TMEM169: variants seen among roughly 807,000 people sequenced by gnomAD.
TMEM169 encodes transmembrane protein 169.
A neutral mutation model predicts 27.3 loss-of-function variants in TMEM169; 18 were observed. That is an observed-to-expected ratio of 0.66 (90% CI 0.46 to 0.98). The LOEUF is 0.98. Among genes scored for constraint, TMEM169 ranks in the 50% least tolerant of loss-of-function variants. TMEM169 has a pLI of 0.00. For synonymous variants in TMEM169, 136 were observed against 142.1 expected (o/e 0.96, Z 0.30); for missense variants, 320 against 368.6 (o/e 0.87, Z 1.08).
Position 216,095,822 on chromosome 2 carries a change from C to A in TMEM169, c.-126-16C>A. On this transcript the variant is annotated splice_polypyrimidine_tract_variant and intron_variant, in intron 1 of 2. Transcript: ENST00000437356. Reference sequence around the variant, plus strand: ...CATTTGCTTCCTGTTGATGGCTTTGCTTTCCTATCTTTCAGGTGGAATGCA... The same window carrying A: ...CATTTGCTTCCTGTTGATGGCTTTGATTTCCTATCTTTCAGGTGGAATGCA... The A allele has an allele frequency of 2.0e-6, 2 of 1,010,072 alleles. No homozygotes were observed. The highest frequency in any genetic ancestry group is 1.4e-6 in the Non-Finnish European group (1 of 709,036). 62.6% of individuals were successfully genotyped at this position (1,010,072 alleles called of 1,614,324 possible). A position where few individuals can be genotyped will look rare whatever the true frequency, so the allele number is the denominator to read the frequency against.
Position 216,096,195 on chromosome 2 carries a change from G to T in TMEM169, c.232G>T (p.Glu78Ter). ...ESEGGDQPKE[E>*]EGDDFLDYPV... is the part of the protein sequence containing the mutation. ...AGAAGGTGGAGATCAGCCTAAAGAG[G>T]AGGAGGGAGATGATTTCCTAGACTA... The change falls in exon 2 of 3, where the codon GAG (glutamate) becomes TAG (stop). Residue 78 changes from glutamate to a stop codon, truncating the protein, a stop_gained. Transcript: ENST00000437356. LOFTEE classifies it high-confidence loss of function. The T allele has an allele frequency of 6.2e-7, 1 of 1,614,154 alleles. No homozygotes were observed. The highest frequency in any genetic ancestry group is 1.1e-5 in the South Asian group (1 of 91,070).
At chr2:216,093,998 G>A (rs1391953419) in intron 1 of TMEM169, among the ~76,000 whole-genome samples, 1 of 152,108 alleles carries the variant, frequency 6.6e-6, no homozygotes, top group Admixed American at 6.6e-5. Context: ...CTAGACATTG[G>A]GAACATTTGA....
intron 1 of TMEM169, among the ~76,000 whole-genome samples, chr2:216,086,109 G>A (rs948073772): frequency 2.4e-4 from 36 of 151,664 alleles, no homozygotes; most frequent in African/African-American, 8.5e-4. Context: ...CTGTTGCCCC[G>A]GCTGGAGTGC....
At chr2:216,082,041 C>CAAAAAA in intron 1 of TMEM169, 62 bp downstream of exon 1, 1 of 248,686 alleles carries the variant, frequency 4.0e-6, no homozygotes, top group Non-Finnish European at 7.6e-6. Context: ...AAGGGAAATG[C>CAAAAAA]AAAAAAAAAA....
rs1189920697 is a variant in TMEM169 at position 216,099,589 on chromosome 2, A to G, written c.272-331A>G. 2.0e-5 allele frequency among the ~76,000 whole-genome samples: 3 copies of G among 152,068 alleles called. No individual in the cohort carries two copies. The highest frequency in any genetic ancestry group is 4.4e-5 in the Non-Finnish European group (3 of 67,998). Reference sequence around the variant, plus strand: ...GGATCATCATTTGCATCATGTCTGTATCAAAGTTCGTCACACTCCTCCGTG... The same window carrying G: ...GGATCATCATTTGCATCATGTCTGTGTCAAAGTTCGTCACACTCCTCCGTG... On this transcript the variant is annotated intron_variant, in intron 2 of 2. Transcript: ENST00000437356. This position sits in a 1 kb window ranked among gnomAD's most constrained non-coding sequence, Gnocchi z 5.0.
At position 216,095,941 on chromosome 2, in the gene TMEM169, CAT is replaced by C. The variant is rs1358522407; in HGVS notation, c.-21_-20del. 6.2e-7 allele frequency: 1 copy of C among 1,604,998 alleles called. No homozygotes were observed. Among genetic ancestry groups the C allele is most frequent in the East Asian group, 2.2e-5 (1 of 44,798 alleles). On this transcript the variant is annotated 5_prime_UTR_variant, in exon 2 of 3. Transcript: ENST00000437356. ...CAAACAAGTCCAACTCTTTATAAGA[CAT>C]AGGTAGACGTCAGGTCTGGAATGGA...
intron 1 of TMEM169, among the ~76,000 whole-genome samples, chr2:216,094,940 A>G (rs1696226902): frequency 6.6e-6 from 1 of 152,136 alleles, no homozygotes; most frequent in South Asian, 2.1e-4. Flanking sequence ...AGAAGCCAGG[A>G]GACAGATTTC....
intron 1 of TMEM169, among the ~76,000 whole-genome samples, chr2:216,091,167 C>G (rs1360481141): frequency 6.6e-6 from 1 of 152,102 alleles, no homozygotes; most frequent in African/African-American, 2.4e-5. Context: ...GTTTGTTTTC[C>G]CCCCAAATCC....
chr2:216,082,052 A>AAAAG, intron 1 of TMEM169, 73 bp downstream of exon 1: 1 of 342,188 alleles, frequency 2.9e-6, no homozygotes, highest in Non-Finnish European at 5.4e-6. Flanking sequence ...AAAAAAAAAA[A>AAAAG]AAGAAGAAGA....
chr2:216,087,119 C>G (rs911682341), intron 1 of TMEM169, among the ~76,000 whole-genome samples: 2 of 151,854 alleles, frequency 1.3e-5, no homozygotes, highest in African/African-American at 4.8e-5. Context: ...AGAAGCGTGA[C>G]AAAGATGAAG....
chr2:216,092,446 C>T (rs1159626299), intron 1 of TMEM169, among the ~76,000 whole-genome samples: 1 of 152,078 alleles, frequency 6.6e-6, no homozygotes, highest in Non-Finnish European at 1.5e-5. Context: ...CCGCACTTGG[C>T]CACTTTTTAA....
At chr2:216,089,765 T>C (rs1272502321) in intron 1 of TMEM169, among the ~76,000 whole-genome samples, 1 of 152,218 alleles carries the variant, frequency 6.6e-6, no homozygotes, top group Non-Finnish European at 1.5e-5. Context: ...TGACTTCTTC[T>C]AAATCTTGGT....
intron 2 of TMEM169, among the ~76,000 whole-genome samples, chr2:216,097,040 C>T (rs907117636): frequency 3.3e-5 from 5 of 152,126 alleles, no homozygotes; most frequent in South Asian, 2.1e-4. Flanking sequence ...AAGTGGAAGC[C>T]GCTTCAACCA....
rs1347505174 is a variant in TMEM169 at position 216,101,253 on chromosome 2, A to C, written c.*711A>C. The C allele has an allele frequency of 1.3e-5, 2 of 153,446 alleles. No homozygotes were observed. The highest frequency in any genetic ancestry group is 4.8e-5 in the African/African-American group (2 of 41,446). 9.5% of individuals were successfully genotyped at this position (153,446 alleles called of 1,614,324 possible). On this transcript the variant is annotated 3_prime_UTR_variant, in exon 3 of 3. Transcript: ENST00000437356. ...CACATCCATGTTTCTGATAAAATAG[A>C]GGAAAGGGCAGAGAAGCACACACCC...
At chr2:216,093,515 G>A (rs1696188015) in intron 1 of TMEM169, among the ~76,000 whole-genome samples, 1 of 152,160 alleles carries the variant, frequency 6.6e-6, no homozygotes, top group African/African-American at 2.4e-5. Flanking sequence ...CAGGCAGTGA[G>A]GACGTAGTGA....
At position 216,102,270 on chromosome 2, in the gene TMEM169, G is replaced by A. The variant is rs1184226325; in HGVS notation, c.*1728G>A. 6.6e-6 allele frequency: 1 copy of A among 152,084 alleles called. No homozygotes were observed. Among genetic ancestry groups the A allele is most frequent in the Non-Finnish European group, 1.5e-5 (1 of 68,028 alleles). The allele number at this position is 152,084 out of a possible 1,614,324, so 9.4% of individuals were successfully genotyped here. A position where few individuals can be genotyped will look rare whatever the true frequency, so the allele number is the denominator to read the frequency against. Reference sequence around the variant, plus strand: ...GCTTTACTCCCTCAGACCTTTCTGAGTTTAACCACAGACATGATCTTTGCT... The same window carrying A: ...GCTTTACTCCCTCAGACCTTTCTGAATTTAACCACAGACATGATCTTTGCT... On this transcript the variant is annotated 3_prime_UTR_variant, in exon 3 of 3. Transcript: ENST00000437356.
chr2:216,093,770 A>T (rs988429193), intron 1 of TMEM169, among the ~76,000 whole-genome samples: 10 of 148,502 alleles, frequency 6.7e-5, no homozygotes, highest in Admixed American at 1.4e-4. Context: ...TGAGCTTAAA[A>T]TTTACCTAAA....
chr2:216,087,153 G>A (rs1696019542), intron 1 of TMEM169, among the ~76,000 whole-genome samples: 1 of 142,566 alleles, frequency 7.0e-6, no homozygotes, highest in Non-Finnish European at 1.5e-5. Flanking sequence ...CACATGTGTT[G>A]AGTAGTCACG....
At chr2:216,091,731 G>T (rs189428565) in intron 1 of TMEM169, among the ~76,000 whole-genome samples, 1 of 152,148 alleles carries the variant, frequency 6.6e-6, no homozygotes, top group Non-Finnish European at 1.5e-5. Context: ...AATTCTTGTT[G>T]TTTATAAGCT....
Sources: allele counts gnomAD v4.1 joint callset (sites outside exome capture counted in the v4.1 genomes callset), GRCh38; gene constraint gnomAD v4.1.1; non-coding constraint Gnocchi (gnomAD v3.1); transcripts MANE v1.5; gene names NCBI Gene and HGNC (gene_info 2026-07-23, HGNC 2026-07-21).